Variants in CSMD1 observed in about 807,000 individuals in gnomAD.
The protein encoded by CSMD1 is CUB and Sushi multiple domains 1, also known as CUB and sushi domain-containing protein 1.
CSMD1 carries 213 observed loss-of-function variants against 417.5 expected under a neutral mutation model. The observed-to-expected ratio is 0.51, with a 90% CI of 0.46 to 0.57. The LOEUF (loss-of-function observed/expected upper bound fraction) is 0.57, where lower values mean the gene tolerates loss of function less well. Among genes scored for constraint, CSMD1 ranks in the 20% least tolerant of loss-of-function variants. CSMD1 has a pLI of 0.00. For synonymous variants in CSMD1, 2,862 were observed against 1,736.8 expected (o/e 1.65, Z -16.11); for missense variants, 6,923 against 4,529.7 (o/e 1.53, Z -15.17).
intron 5 of CSMD1, among the ~76,000 whole-genome samples, chr8:3,949,110 G>A (rs938597051): frequency 2.0e-5 from 3 of 152,022 alleles, no homozygotes; most frequent in Non-Finnish European, 2.9e-5. Context: ...TATGATGTGC[G>A]ATATAATATT....
intron 3 of CSMD1, among the ~76,000 whole-genome samples, chr8:4,411,164 A>G (rs762827234): frequency 4.6e-5 from 7 of 152,176 alleles, no homozygotes; most frequent in Non-Finnish European, 1.0e-4. Context: ...TTTATAAATT[A>G]CCCAGTCTCA....
chr8:4,434,231 C>A (rs1798026588), intron 2 of CSMD1, among the ~76,000 whole-genome samples: 1 of 152,116 alleles, frequency 6.6e-6, no homozygotes, highest in South Asian at 2.1e-4. Context: ...CCAGCTAATT[C>A]CATAGGGTGT....
intron 1 of CSMD1, among the ~76,000 whole-genome samples, chr8:4,666,004 C>A (rs145958321): frequency 4.9e-4 from 74 of 152,284 alleles, no homozygotes; most frequent in African/African-American, 1.6e-3. Context: ...TCTGCATCGG[C>A]AGCAGCACTT....
intron 3 of CSMD1, among the ~76,000 whole-genome samples, chr8:4,414,754 A>G (rs979953360): frequency 2.0e-5 from 3 of 152,172 alleles, no homozygotes; most frequent in Non-Finnish European, 2.9e-5. Flanking sequence ...TCAGATTTTT[A>G]TCCAAAAATA....
intron 43 of CSMD1, among the ~76,000 whole-genome samples, chr8:3,109,743 C>A (rs796891130): frequency 3.4e-4 from 51 of 151,966 alleles, no homozygotes; most frequent in Middle Eastern, 3.4e-3. Flanking sequence ...ACACCACACA[C>A]AACACGCACA....
At chr8:3,566,933 C>T (rs185272462) in intron 10 of CSMD1, among the ~76,000 whole-genome samples, 1 of 152,066 alleles carries the variant, frequency 6.6e-6, no homozygotes, top group Admixed American at 6.6e-5. Context: ...GGGTACATAC[C>T]CAAAAGAATA....
At chr8:3,660,613 C>A (rs1007922407) in intron 7 of CSMD1, among the ~76,000 whole-genome samples, 4 of 148,904 alleles carry the variant, frequency 2.7e-5, no homozygotes, top group African/African-American at 9.9e-5. Flanking sequence ...CTCCACCTCC[C>A]AGGTTCAAGC....
At chr8:3,481,180 C>T (rs2036277) in intron 11 of CSMD1, among the ~76,000 whole-genome samples, 86 of 99,522 alleles carry the variant, frequency 8.6e-4, no homozygotes, top group African/African-American at 3.0e-3. Flanking sequence ...AAAAAAAAAA[C>T]CAGAGTAGTT....
chr8:3,409,899 A>G (rs560263217), intron 12 of CSMD1, among the ~76,000 whole-genome samples: 75 of 152,344 alleles, frequency 4.9e-4, no homozygotes, highest in Non-Finnish European at 9.7e-4. Flanking sequence ...TCTTCTGGAT[A>G]CCTCCGATCT....
chr8:3,331,729 G>C (rs1441370251), intron 23 of CSMD1, among the ~76,000 whole-genome samples: 1 of 152,152 alleles, frequency 6.6e-6, no homozygotes, highest in African/African-American at 2.4e-5. Flanking sequence ...TATGTACCTG[G>C]AATGAACTTG....
chr8:3,493,220 G>T, intron 11 of CSMD1, among the ~76,000 whole-genome samples: 1 of 151,188 alleles, frequency 6.6e-6, no homozygotes, highest in Non-Finnish European at 1.5e-5. Context: ...CTTGAACCCG[G>T]GAGGCGGAGG....
chr8:3,482,851 G>A (rs989506497), intron 11 of CSMD1, among the ~76,000 whole-genome samples: 1 of 152,072 alleles, frequency 6.6e-6, no homozygotes, highest in African/African-American at 2.4e-5. Flanking sequence ...TAAACATATG[G>A]AAGTTAAATA....
At chr8:2,961,244 G>A (rs369376327) in intron 61 of CSMD1, 30 bp from the exon 62 acceptor site, 8 of 1,409,070 alleles carry the variant, frequency 5.7e-6, no homozygotes, top group East Asian at 2.3e-5. Flanking sequence ...AAGAAAAGAG[G>A]GCACCAGATA....
At chr8:3,304,601 A>G (rs1325924476) in intron 25 of CSMD1, among the ~76,000 whole-genome samples, 1 of 150,634 alleles carries the variant, frequency 6.6e-6, no homozygotes, top group African/African-American at 2.5e-5. Context: ...CTTTAAATTT[A>G]ATAGATGTAT....
At chr8:4,110,192 A>G (rs1375801847) in intron 3 of CSMD1, among the ~76,000 whole-genome samples, 1 of 152,186 alleles carries the variant, frequency 6.6e-6, no homozygotes, top group Non-Finnish European at 1.5e-5. Context: ...TCTAAAGAAT[A>G]AAATTTAAAA....
chr8:3,443,957 G>A (rs1037454840), intron 12 of CSMD1, among the ~76,000 whole-genome samples: 3 of 152,118 alleles, frequency 2.0e-5, no homozygotes, highest in South Asian at 2.1e-4. Flanking sequence ...CTGAGAGCGG[G>A]GACACTGGGT....
intron 5 of CSMD1, among the ~76,000 whole-genome samples, chr8:3,907,029 A>C (rs1808160768): frequency 6.6e-6 from 1 of 152,180 alleles, no homozygotes; most frequent in Admixed American, 6.5e-5. Context: ...TAGATGAGAA[A>C]AATGGCTGGG....
intron 7 of CSMD1, among the ~76,000 whole-genome samples, chr8:3,619,985 C>A (rs542187878): frequency 9.1e-4 from 139 of 152,184 alleles, no homozygotes; most frequent in African/African-American, 3.2e-3. Context: ...ACCTGTAATC[C>A]CAGCTACTTG....
intron 3 of CSMD1, among the ~76,000 whole-genome samples, chr8:4,402,083 C>G (rs541763843): frequency 6.6e-6 from 1 of 152,220 alleles, no homozygotes; most frequent in East Asian, 1.9e-4. Flanking sequence ...TTCCTTTGTT[C>G]TCAACCTCCT....
Sources: gnomAD v4.1 joint callset for allele counts (sites outside exome capture counted in the v4.1 genomes callset) on GRCh38, gnomAD v4.1.1 for gene constraint, MANE v1.5 for transcripts, NCBI Gene and HGNC (gene_info 2026-07-23, HGNC 2026-07-21) for gene names.